The following NEGR1 variants were observed in gnomAD, a reference collection of about 807,000 sequenced individuals.
NEGR1 encodes the protein neuronal growth regulator 1, also known as IgLON family member 4.
A neutral mutation model predicts 40.9 loss-of-function variants in NEGR1; 10 were observed. That is an observed-to-expected ratio of 0.24 (90% confidence interval 0.15 to 0.42). NEGR1 has a LOEUF of 0.42. Among genes scored for constraint, NEGR1 ranks in the 10% least tolerant of loss-of-function variants. NEGR1 has a pLI of 1.00. For synonymous variants in NEGR1, 185 were observed against 166.8 expected (o/e 1.11, Z -0.84); for missense variants, 352 against 438.9 (o/e 0.80, Z 1.77).
At chr1:72,094,150 C>T (rs1044773117) in intron 1 of NEGR1, among the ~76,000 whole-genome samples, 2 of 152,080 alleles carry the variant, frequency 1.3e-5, no homozygotes, top group African/African-American at 4.8e-5. Context: ...TTTCCTGATG[C>T]TCAAGTGTAG....
intron 1 of NEGR1, among the ~76,000 whole-genome samples, chr1:71,999,671 A>G (rs1387561919): frequency 2.0e-5 from 1 of 50,102 alleles, no homozygotes; most frequent in Non-Finnish European, 4.3e-5. Context: ...ATATATATAT[A>G]TATATATACA....
At chr1:71,737,699 A>G (rs931791918) in intron 3 of NEGR1, among the ~76,000 whole-genome samples, 6 of 152,206 alleles carry the variant, frequency 3.9e-5, no homozygotes, top group Non-Finnish European at 8.8e-5. Context: ...AATTAAGAGA[A>G]GATTTGCAAA....
intron 6 of NEGR1, among the ~76,000 whole-genome samples, chr1:71,428,989 G>A (rs1354730): frequency 0.96 from 145,793 of 152,274 alleles, 70,111 homozygotes; most frequent in East Asian, 1. Flanking sequence ...TTTATCACCT[G>A]CAGGTAGCCT....
chr1:72,269,646 T>G (rs1655776188), intron 1 of NEGR1, among the ~76,000 whole-genome samples: 1 of 151,702 alleles, frequency 6.6e-6, no homozygotes, highest in Admixed American at 6.6e-5. Flanking sequence ...TTCATTGCAG[T>G]GACCAATACA....
intron 2 of NEGR1, among the ~76,000 whole-genome samples, chr1:71,923,639 G>T (rs1645741080): frequency 6.6e-6 from 1 of 152,046 alleles, no homozygotes; most frequent in South Asian, 2.1e-4. Flanking sequence ...GTGTTGGCAG[G>T]GCTGAAGTCC....
intron 2 of NEGR1, among the ~76,000 whole-genome samples, chr1:71,867,806 A>G (rs1003347736): frequency 6.6e-6 from 1 of 152,180 alleles, no homozygotes; most frequent in African/African-American, 2.4e-5. Context: ...CATGATAGTT[A>G]CTTCATAATG....
chr1:71,652,896 T>C (rs1651764019), intron 4 of NEGR1, among the ~76,000 whole-genome samples: 1 of 152,112 alleles, frequency 6.6e-6, no homozygotes, highest in Admixed American at 6.6e-5. Flanking sequence ...CCCCCTGTTC[T>C]AAATAATCTT....
intron 2 of NEGR1, among the ~76,000 whole-genome samples, chr1:71,884,223 T>C (rs1660661599): frequency 6.6e-6 from 1 of 152,132 alleles, no homozygotes; most frequent in East Asian, 1.9e-4. Flanking sequence ...GTTAATTGTG[T>C]TTGTTTTTTT....
At chr1:72,079,503 A>G (rs1018077360) in intron 1 of NEGR1, among the ~76,000 whole-genome samples, 15 of 152,128 alleles carry the variant, frequency 9.9e-5, no homozygotes, top group Admixed American at 2.6e-4. Flanking sequence ...GTCCTATTTA[A>G]CAATCTTAGT....
chr1:71,590,678 A>AT (rs1192994664), intron 6 of NEGR1, among the ~76,000 whole-genome samples: 12 of 152,052 alleles, frequency 7.9e-5, no homozygotes, highest in African/African-American at 2.9e-4. Flanking sequence ...AGCTCTTTGG[A>AT]TTTTGTGAGA....
intron 2 of NEGR1, among the ~76,000 whole-genome samples, chr1:71,799,373 C>T (rs1657469447): frequency 6.6e-6 from 1 of 152,164 alleles, no homozygotes; most frequent in Non-Finnish European, 1.5e-5. Flanking sequence ...AGGACATGAA[C>T]TCATTCTTTT....
intron 6 of NEGR1, among the ~76,000 whole-genome samples, chr1:71,525,888 A>G (rs1647210750): frequency 6.6e-6 from 1 of 151,644 alleles, no homozygotes; most frequent in African/African-American, 2.4e-5. Context: ...ACTTGTGATT[A>G]GTACACGTGG....
intron 1 of NEGR1, among the ~76,000 whole-genome samples, chr1:72,272,125 T>G (rs952254433): frequency 6.6e-6 from 1 of 151,890 alleles, no homozygotes; most frequent in Admixed American, 6.6e-5. Context: ...TCTCTTATTA[T>G]AGTTCTAAAT....
At chr1:71,653,233 C>T (rs560200994) in intron 4 of NEGR1, among the ~76,000 whole-genome samples, 7 of 152,188 alleles carry the variant, frequency 4.6e-5, no homozygotes, top group Non-Finnish European at 1.0e-4. Flanking sequence ...TCTTTACTCT[C>T]CTTTTAATCT....
intron 2 of NEGR1, among the ~76,000 whole-genome samples, chr1:71,833,306 G>T (rs549059169): frequency 1.3e-5 from 2 of 152,108 alleles, no homozygotes; most frequent in South Asian, 4.2e-4. Context: ...TAGTAAAATA[G>T]AAAAGGATTT....
At chr1:72,153,951 G>A (rs937923878) in intron 1 of NEGR1, among the ~76,000 whole-genome samples, 2 of 151,766 alleles carry the variant, frequency 1.3e-5, no homozygotes, top group Admixed American at 1.3e-4. Context: ...GTAGAAAGCA[G>A]ATGGTACTCT....
At chr1:71,678,988 G>C (rs1165599640) in intron 4 of NEGR1, among the ~76,000 whole-genome samples, 4 of 152,114 alleles carry the variant, frequency 2.6e-5, no homozygotes, top group African/African-American at 9.7e-5. Context: ...TGTTTAAGCA[G>C]GACAGTGACG....
intron 4 of NEGR1, among the ~76,000 whole-genome samples, chr1:71,688,668 G>A (rs1653146965): frequency 1.3e-5 from 2 of 151,724 alleles, no homozygotes; most frequent in African/African-American, 4.8e-5. Flanking sequence ...TGTTGGCCAG[G>A]CTGGTCTCGA....
intron 3 of NEGR1, among the ~76,000 whole-genome samples, chr1:71,715,002 C>A (rs1654228120): frequency 6.6e-6 from 1 of 152,242 alleles, no homozygotes; most frequent in African/African-American, 2.4e-5. Context: ...CCTAAAGGCT[C>A]TGGCCCTGCA....
Sources: allele counts gnomAD v4.1 joint callset (sites outside exome capture counted in the v4.1 genomes callset), GRCh38; gene constraint gnomAD v4.1.1; transcripts MANE v1.5; gene names NCBI Gene and HGNC (gene_info 2026-07-23, HGNC 2026-07-21).